The following ZNF442 variants were observed in gnomAD, a reference collection of about 807,000 sequenced individuals.
ZNF442 encodes the protein zinc finger protein 442.
A neutral mutation model predicts 57.0 loss-of-function variants in ZNF442; 45 were observed. The ratio of observed to expected loss-of-function variants is 0.79; its 90% CI spans 0.62 to 1.01. The LOEUF (loss-of-function observed/expected upper bound fraction) is 1.01, where lower values mean the gene tolerates loss of function less well. Among genes scored for constraint, ZNF442 ranks in the 50% least tolerant of loss-of-function variants. The pLI, the probability that ZNF442 is intolerant of heterozygous loss-of-function variation, is 0.00. For missense variants in ZNF442, 690 were observed against 756.5 expected (o/e 0.91, Z 1.03); for synonymous variants, 213 against 241.8 (o/e 0.88, Z 1.10).
At chr19:12,352,429 C>G (rs1280300696) in intron 4 of ZNF442, among the ~76,000 whole-genome samples, 3 of 151,958 alleles carry the variant, frequency 2.0e-5, no homozygotes, top group African/African-American at 7.3e-5. Flanking sequence ...GGGTTTTGAA[C>G]TCCAGACCTC....
At chr19:12,359,943 A>T (rs1487118622) in intron 3 of ZNF442, among the ~76,000 whole-genome samples, 1 of 151,976 alleles carries the variant, frequency 6.6e-6, no homozygotes, top group Non-Finnish European at 1.5e-5. Context: ...ACGCCACTGC[A>T]TTCCAACATG....
At chr19:12,354,182 A>G (rs189933264) in intron 3 of ZNF442, among the ~76,000 whole-genome samples, 372 of 152,344 alleles carry the variant, frequency 2.4e-3, no homozygotes, top group Non-Finnish European at 4.3e-3. Flanking sequence ...GTTTATTGCA[A>G]CATGTTACTT....
upstream of ZNF442, among the ~76,000 whole-genome samples, chr19:12,370,125 G>A (rs1969568928): frequency 1.3e-5 from 2 of 151,692 alleles, no homozygotes; most frequent in South Asian, 2.1e-4. Flanking sequence ...TTATTACATT[G>A]TAATATATAA....
rs771822074 is a variant in ZNF442 at position 12,350,425 on chromosome 19, G to A, written c.1160C>T (p.Ser387Phe). The A allele has an allele frequency of 3.4e-5, 55 of 1,612,388 alleles. No homozygotes were observed. Among genetic ancestry groups the A allele is most frequent in the Non-Finnish European group, 4.4e-5 (52 of 1,179,712 alleles). Residue 387 changes from serine (S) to phenylalanine (F), a missense_variant, in exon 6 of 6, where the codon TCT becomes TTT. Coordinates refer to ENST00000242804, the MANE Select transcript of ZNF442 (RefSeq NM_030824.3). ...ATGACTTCGAAAGCTTGAGTGATGA[G>A]ATAACGCTTTCCCACACTGCTTGCA... ...YECKQCGKAL[S>F]HHSSFRSHMI...
the ZNF442 span, among the ~76,000 whole-genome samples, chr19:12,371,168 C>A: frequency 6.6e-6 from 1 of 151,968 alleles, no homozygotes; most frequent in South Asian, 2.1e-4. Flanking sequence ...TTCAATGAAA[C>A]AAAATCCTGA....
chr19:12,362,579 C>T (rs1282235399), intron 3 of ZNF442, among the ~76,000 whole-genome samples: 2 of 148,294 alleles, frequency 1.3e-5, no homozygotes, highest in Non-Finnish European at 3.0e-5. Context: ...CCACCCCGTC[C>T]GGGAGGGAGG....
At position 12,363,644 on chromosome 19, in the gene ZNF442, C is replaced by T. The variant is rs1003640858; in HGVS notation, c.-13G>A. ...CAAATACAATCATTCAACTGGCTGACCAGCCGTGTGTCCCCAAGGAATGGA... is the reference window on the plus strand; with the variant it reads ...CAAATACAATCATTCAACTGGCTGATCAGCCGTGTGTCCCCAAGGAATGGA... On this transcript the variant is annotated 5_prime_UTR_variant, in exon 3 of 6. An upstream open reading frame in the 5' UTR gains an earlier in-frame stop. Transcript: ENST00000242804. The T allele has an allele frequency of 1.9e-6, 3 of 1,612,078 alleles. No homozygotes were observed. The African/African-American group carries it at 4.0e-5, about 22-fold the overall frequency.
intron 3 of ZNF442, among the ~76,000 whole-genome samples, chr19:12,359,739 G>A (rs968632231): frequency 6.6e-6 from 1 of 152,082 alleles, no homozygotes; most frequent in African/African-American, 2.4e-5. Context: ...CAGCACTTTG[G>A]GAGGCTGAGG....
In ZNF442 at chr19:12,350,731, C is replaced by A. The variant is rs779898756; in HGVS notation, c.854G>T (p.Arg285Ile). The A allele has an allele frequency of 1.2e-6, 2 of 1,614,044 alleles. No individual in the cohort carries two copies. Among genetic ancestry groups the A allele is most frequent in the East Asian group, 2.2e-5 (1 of 44,864 alleles). The change falls in exon 6 of 6, where the codon AGA (arginine) becomes ATA (isoleucine). Residue 285 changes from arginine (R) to isoleucine (I), a missense_variant. Coordinates refer to ENST00000242804, the MANE Select transcript of ZNF442 (RefSeq NM_030824.3). ...ATAGGGTTTTTCTCCAGTGTGAGTT[C>A]TTTCATGTCTTACATAGGAACTGTA... ...PDYSSYVRHE[R>I]THTGEKPYKC... is the part of the protein sequence containing the mutation.
At chr19:12,354,513 T>A (rs1397215326) in intron 3 of ZNF442, among the ~76,000 whole-genome samples, 1 of 152,002 alleles carries the variant, frequency 6.6e-6, no homozygotes. Context: ...TGTATAAAAA[T>A]GCTAAAAACT....
chr19:12,356,636 A>AAAAAAAAAGAG (rs1032081069), intron 3 of ZNF442, among the ~76,000 whole-genome samples: 2 of 151,664 alleles, frequency 1.3e-5, no homozygotes, highest in African/African-American at 4.9e-5. Flanking sequence ...TCAAAAAAAA[A>AAAAAAAAAGAG]AGAGAGAGAG....
At position 12,348,844 on chromosome 19, in the gene ZNF442, C is replaced by CA. The variant is rs1969166479; in HGVS notation, c.*856dup. The CA allele has an allele frequency of 6.6e-6, 1 of 151,748 alleles. No individual in the cohort carries two copies. Among genetic ancestry groups the CA allele is most frequent in the African/African-American group, 2.4e-5 (1 of 41,302 alleles). 9.4% of individuals were successfully genotyped at this position (151,748 alleles called of 1,614,324 possible). ...GGATCAGGATTTTCATAAGTGTTAA[C>CA]ACACGATTCCAGGTCATTAAATAAA... On this transcript the variant is annotated 3_prime_UTR_variant, in exon 6 of 6. Transcript: ENST00000242804.
intron 3 of ZNF442, among the ~76,000 whole-genome samples, chr19:12,354,976 A>G (rs753028347): frequency 4.4e-4 from 67 of 152,118 alleles, no homozygotes; most frequent in Non-Finnish European, 8.7e-4. Context: ...TCAAGATTAA[A>G]TGAGAAAAAA....
intron 3 of ZNF442, among the ~76,000 whole-genome samples, chr19:12,355,290 CA>C (rs1243882800): frequency 2.6e-3 from 144 of 55,632 alleles, no homozygotes; most frequent in East Asian, 0.016. Flanking sequence ...GACTCCATCT[CA>C]AAAAAAAAAA....
intron 3 of ZNF442, among the ~76,000 whole-genome samples, chr19:12,353,476 A>G (rs1179166676): frequency 1.6e-4 from 24 of 152,200 alleles, no homozygotes; most frequent in Admixed American, 1.6e-3. Flanking sequence ...GTATATATTT[A>G]CAAATGCTGG....
At chr19:12,362,948 C>G (rs1291481785) in intron 3 of ZNF442, among the ~76,000 whole-genome samples, 1 of 151,144 alleles carries the variant, frequency 6.6e-6, no homozygotes, top group Non-Finnish European at 1.5e-5. Context: ...TCAAGACCAG[C>G]CTGGCCAACA....
rs751484526 is a variant in ZNF442 at position 12,349,788 on chromosome 19, C to T, written c.1797G>A (p.Met599Ile). 5 of 1,613,778 alleles carry T rather than the reference C, an allele frequency of 3.1e-6. No individual in the cohort carries two copies. Among genetic ancestry groups the T allele is most frequent in the Admixed American group, 3.3e-5 (2 of 59,992 alleles). Residue 599 changes from methionine to isoleucine, a missense_variant, in exon 6 of 6, where the codon ATG (methionine) becomes ATA (isoleucine). Coordinates refer to ENST00000242804, the MANE Select transcript of ZNF442 (RefSeq NM_030824.3). ...CCTTCCCACATTCCTTACATTCATG[C>T]ATCTTCTCTCCAGTGTGAGTTTTTT... Reference protein sequence around the residue: ...GHEKTHTGEKMHECKECGKAL... With the variant: ...GHEKTHTGEKIHECKECGKAL...
At chr19:12,363,784 C>T in intron 2 of ZNF442, 113 bp from the exon 3 acceptor site, 1 of 664,088 alleles carries the variant, frequency 1.5e-6, no homozygotes, top group Non-Finnish European at 2.7e-6. Context: ...CTCTGTGAGG[C>T]CCCACCCCAA....
Position 12,349,510 on chromosome 19 carries a change from A to G in ZNF442, c.*191T>C. 1.9e-6 allele frequency: 1 copy of G among 514,136 alleles called. No homozygotes were observed. The highest frequency in any genetic ancestry group is 3.5e-5 in the South Asian group (1 of 28,408). 31.8% of individuals were successfully genotyped at this position (514,136 alleles called of 1,614,324 possible). On this transcript the variant is annotated 3_prime_UTR_variant, in exon 6 of 6. Coordinates refer to ENST00000242804, the MANE Select transcript of ZNF442 (RefSeq NM_030824.3). The stretch of plus-strand genomic sequence containing the variant: ...ATGCAAATGTCCTTTTATAAAAGGA[A>G]CACAGCATCTGTGGATTTAGGTATG...
Sources: gnomAD v4.1 joint callset for allele counts (sites outside exome capture counted in the v4.1 genomes callset) on GRCh38, gnomAD v4.1.1 for gene constraint, MANE v1.5 for transcripts, NCBI Gene and HGNC (gene_info 2026-07-23, HGNC 2026-07-21) for gene names.